UBAP1: variants seen among roughly 807,000 people sequenced by gnomAD.
UBAP1 encodes the protein ubiquitin associated protein 1.
Under a neutral mutation model 39.0 loss-of-function variants are expected in UBAP1, and 5 were observed. The ratio of observed to expected loss-of-function variants is 0.13; its 90% CI spans 0.07 to 0.27. The LOEUF (loss-of-function observed/expected upper bound fraction) is 0.27. UBAP1 is among the 10% of genes least tolerant of loss of function. The probability of loss-of-function intolerance (pLI) is 1.00; values close to 1 mark genes in which losing one functional copy is unlikely to be tolerated. For synonymous variants in UBAP1, 211 were observed against 225.1 expected, an observed-to-expected ratio of 0.94 and a Z score of 0.56; for missense variants, 490 against 608.1, an observed-to-expected ratio of 0.81 and a Z score of 2.04.
chr9:34,196,215 T>C (rs1831044759), intron 1 of UBAP1, among the ~76,000 whole-genome samples: 2 of 151,860 alleles, frequency 1.3e-5, no homozygotes, highest in Admixed American at 6.6e-5. Flanking sequence ...CATGGCTCAC[T>C]GCAGCCTCGA....
At chr9:34,224,083 A>C in intron 2 of UBAP1, 1 of 678,420 alleles carries the variant, frequency 1.5e-6, no homozygotes, top group Non-Finnish European at 2.4e-6. Flanking sequence ...CCGGCCTTGA[A>C]GTGATGCACG....
intron 1 of UBAP1, among the ~76,000 whole-genome samples, chr9:34,213,993 A>G (rs1275140838): frequency 2.0e-5 from 3 of 152,158 alleles, no homozygotes; most frequent in East Asian, 1.9e-4. Context: ...AAGGAAAACT[A>G]CAAAACACTG....
chr9:34,190,613 C>T (rs1830658472), intron 1 of UBAP1, among the ~76,000 whole-genome samples: 1 of 148,596 alleles, frequency 6.7e-6, no homozygotes, highest in Non-Finnish European at 1.5e-5. Flanking sequence ...AATAGGGAAT[C>T]TTTTTTCCTT....
chr9:34,230,101 T>C (rs571180655), intron 2 of UBAP1, among the ~76,000 whole-genome samples: 47 of 152,242 alleles, frequency 3.1e-4, no homozygotes, highest in African/African-American at 1.0e-3. Context: ...TCTCGCCCTG[T>C]CGCCCAGGCT....
intron 4 of UBAP1, among the ~76,000 whole-genome samples, chr9:34,242,407 C>G (rs1411127945): frequency 6.6e-6 from 1 of 152,184 alleles, no homozygotes; most frequent in South Asian, 2.1e-4. Context: ...CTTGGCCTTC[C>G]AAAGTGCTGG....
chr9:34,251,315 C>CCA (rs983985568), intron 6 of UBAP1, 77 bp from the exon 7 acceptor site: 17 of 1,486,852 alleles, frequency 1.1e-5, no homozygotes, highest in African/African-American at 6.9e-5. Flanking sequence ...AGTCCCCGTC[C>CCA]CACACACACA....
At chr9:34,200,982 T>A (rs1831337353) in intron 1 of UBAP1, among the ~76,000 whole-genome samples, 1 of 152,182 alleles carries the variant, frequency 6.6e-6, no homozygotes, top group South Asian at 2.1e-4. Context: ...TGATCTTGGC[T>A]CACCGCAATC....
chr9:34,227,160 A>G, intron 2 of UBAP1, among the ~76,000 whole-genome samples: 1 of 152,182 alleles, frequency 6.6e-6, no homozygotes, highest in Non-Finnish European at 1.5e-5. Flanking sequence ...TTTGTAGATT[A>G]TATGGCTTGT....
At chr9:34,229,966 C>T (rs186063265) in intron 2 of UBAP1, among the ~76,000 whole-genome samples, 34 of 152,200 alleles carry the variant, frequency 2.2e-4, no homozygotes, top group Admixed American at 7.2e-4. Flanking sequence ...TGAGCCACCA[C>T]GCTGGCCTCA....
intron 1 of UBAP1, among the ~76,000 whole-genome samples, chr9:34,193,170 C>A (rs1398055458): frequency 3.3e-5 from 5 of 151,830 alleles, no homozygotes; most frequent in African/African-American, 9.7e-5. Context: ...ATTAGCCAGG[C>A]GTGGTGGTAT....
chr9:34,219,207 G>C (rs1587840546), intron 1 of UBAP1, among the ~76,000 whole-genome samples: 1 of 152,046 alleles, frequency 6.6e-6, no homozygotes, highest in East Asian at 1.9e-4. Context: ...TCCTACCTCA[G>C]CCTCCCGAGT....
intron 2 of UBAP1, among the ~76,000 whole-genome samples, chr9:34,232,617 G>A (rs975777189): frequency 2.6e-4 from 40 of 151,988 alleles, no homozygotes; most frequent in Non-Finnish European, 1.5e-5. Context: ...AGAGTTTCAG[G>A]TGTATCTGCA....
chr9:34,200,335 CTG>C (rs1240833443), intron 1 of UBAP1, among the ~76,000 whole-genome samples: 1 of 152,188 alleles, frequency 6.6e-6, no homozygotes, highest in Non-Finnish European at 1.5e-5. Flanking sequence ...GCCTTAGAAT[CTG>C]TCATTTCTCC....
At chr9:34,188,512 C>G (rs1412735756) in intron 1 of UBAP1, among the ~76,000 whole-genome samples, 2 of 150,742 alleles carry the variant, frequency 1.3e-5, no homozygotes, top group Non-Finnish European at 2.9e-5. Context: ...AGTAATTCAC[C>G]TGCTTCGGCC....
chr9:34,216,049 A>C (rs1832294755), intron 1 of UBAP1, among the ~76,000 whole-genome samples: 1 of 152,098 alleles, frequency 6.6e-6, no homozygotes, highest in Non-Finnish European at 1.5e-5. Flanking sequence ...TTTTTCATTT[A>C]CTATTCCTTG....
At chr9:34,223,944 A>G (rs1265528169) in intron 2 of UBAP1, 2 of 333,924 alleles carry the variant, frequency 6.0e-6, no homozygotes, top group Non-Finnish European at 1.1e-5. Context: ...GAACAAAACA[A>G]TAAACACCTT....
intron 3 of UBAP1, among the ~76,000 whole-genome samples, chr9:34,234,623 GA>G (rs964055804): frequency 6.7e-6 from 1 of 148,628 alleles, no homozygotes; most frequent in African/African-American, 2.5e-5. Context: ...TCTACTAGGG[GA>G]AAAAAAAATG....
intron 3 of UBAP1, among the ~76,000 whole-genome samples, chr9:34,235,494 A>G (rs955231000): frequency 6.6e-6 from 1 of 152,150 alleles, no homozygotes; most frequent in African/African-American, 2.4e-5. Context: ...GCCCGCCACC[A>G]TGCCTGGCTA....
chr9:34,219,300 C>CTGGT (rs1832526944), intron 1 of UBAP1, among the ~76,000 whole-genome samples: 1 of 152,040 alleles, frequency 6.6e-6, no homozygotes, highest in Admixed American at 6.6e-5. Context: ...GTTGCCCAGG[C>CTGGT]TGGTCTTCGA....
Sources: allele counts gnomAD v4.1 joint callset (sites outside exome capture counted in the v4.1 genomes callset), GRCh38; gene constraint gnomAD v4.1.1; transcripts MANE v1.5; gene names NCBI Gene and HGNC (gene_info 2026-07-23, HGNC 2026-07-21).